The following ASPRV1 variants were observed in gnomAD, a reference collection of about 807,000 sequenced individuals.
The protein encoded by ASPRV1 is aspartic peptidase retroviral like 1.
Under a neutral mutation model 11.0 loss-of-function variants are expected in ASPRV1, and 7 were observed. The ratio of observed to expected loss-of-function variants is 0.64; its 90% CI spans 0.36 to 1.20. ASPRV1 has a LOEUF of 1.20. ASPRV1 is among the 50% of genes most tolerant of loss of function. The pLI, the probability that ASPRV1 is intolerant of heterozygous loss-of-function variation, is 0.02. For synonymous variants in ASPRV1, 136 were observed against 138.4 expected, an observed-to-expected ratio of 0.98 and a Z score of 0.12; for missense variants, 299 against 320.0, an observed-to-expected ratio of 0.93 and a Z score of 0.50.
the ASPRV1 span, among the ~76,000 whole-genome samples, chr2:69,935,117 AC>A: frequency 6.6e-6 from 1 of 152,208 alleles, no homozygotes; most frequent in African/African-American, 2.4e-5. Context: ...ATTATTCCCT[AC>A]CCCAGCACTT....
the ASPRV1 span, among the ~76,000 whole-genome samples, chr2:69,987,915 A>G: frequency 1.3e-5 from 2 of 152,212 alleles, no homozygotes; most frequent in Non-Finnish European, 2.9e-5. Flanking sequence ...CCTCCCATTC[A>G]TTCATCCAAC....
the ASPRV1 span, among the ~76,000 whole-genome samples, chr2:70,034,070 C>G: frequency 0.016 from 2,229 of 141,906 alleles, 63 homozygotes; most frequent in African/African-American, 0.056. Flanking sequence ...AGGAGAATGG[C>G]GTGAACCCCG....
chr2:70,044,497 T>A, the ASPRV1 span, among the ~76,000 whole-genome samples: 1 of 152,354 alleles, frequency 6.6e-6, no homozygotes, highest in East Asian at 1.9e-4. Context: ...TCCACTCTTG[T>A]TGCCCAGGCT....
downstream of ASPRV1, among the ~76,000 whole-genome samples, chr2:69,955,644 G>A (rs7569331): frequency 0.17 from 26,562 of 152,154 alleles, 2,987 homozygotes; most frequent in African/African-American, 0.3. Flanking sequence ...GGAAGGTTAC[G>A]ATCCTTTTGT....
At chr2:69,944,646 TC>T in the ASPRV1 span, among the ~76,000 whole-genome samples, 1 of 152,162 alleles carries the variant, frequency 6.6e-6, no homozygotes, top group African/African-American at 2.4e-5. Flanking sequence ...CGGCATCTTT[TC>T]CTTTTTAAGC....
chr2:69,947,393 A>G, the ASPRV1 span, among the ~76,000 whole-genome samples: 1 of 152,194 alleles, frequency 6.6e-6, no homozygotes, highest in Non-Finnish European at 1.5e-5. Flanking sequence ...TCAGGGAAAC[A>G]GTGAATCATG....
At chr2:70,053,909 T>G in the ASPRV1 span, 1 of 152,240 alleles carries the variant, frequency 6.6e-6, no homozygotes, top group African/African-American at 2.4e-5. Context: ...TCTCTCATCT[T>G]TGCCAAATGT....
At chr2:70,085,178 G>C in the ASPRV1 span, among the ~76,000 whole-genome samples, 4 of 152,196 alleles carry the variant, frequency 2.6e-5, no homozygotes, top group Non-Finnish European at 5.9e-5. Flanking sequence ...CAAGAGTCAA[G>C]CCCATGGGGA....
the ASPRV1 span, among the ~76,000 whole-genome samples, chr2:70,077,766 A>G: frequency 6.6e-6 from 1 of 152,056 alleles, no homozygotes; most frequent in Non-Finnish European, 1.5e-5. Context: ...GAGGCAGGAG[A>G]ATCACTTGAA....
the ASPRV1 span, among the ~76,000 whole-genome samples, chr2:70,074,806 G>A: frequency 6.6e-6 from 1 of 151,338 alleles, no homozygotes; most frequent in African/African-American, 2.4e-5. Context: ...ACAAGCAGTA[G>A]AGTGCAGAGG....
chr2:70,008,664 A>G, the ASPRV1 span, among the ~76,000 whole-genome samples: 1 of 151,136 alleles, frequency 6.6e-6, no homozygotes. Flanking sequence ...TTCATCAACT[A>G]TTGTGTTAGT....
chr2:70,079,362 A>C, the ASPRV1 span, among the ~76,000 whole-genome samples: 1 of 152,164 alleles, frequency 6.6e-6, no homozygotes, highest in Non-Finnish European at 1.5e-5. Flanking sequence ...CTGTAGTACT[A>C]GCCACTGAGG....
the ASPRV1 span, among the ~76,000 whole-genome samples, chr2:69,971,924 C>A: frequency 1.3e-5 from 2 of 152,186 alleles, no homozygotes; most frequent in African/African-American, 4.8e-5. Flanking sequence ...TTCTTTCAAG[C>A]CTTGGTTTCC....
chr2:70,027,259 CAAA>C, the ASPRV1 span, among the ~76,000 whole-genome samples: 522 of 49,626 alleles, frequency 0.011, 3 homozygotes, highest in Middle Eastern at 0.034. Context: ...CCCTGTCTCT[CAAA>C]AAAAAAAAAA....
the ASPRV1 span, among the ~76,000 whole-genome samples, chr2:69,981,115 C>T: frequency 6.6e-6 from 1 of 152,216 alleles, no homozygotes; most frequent in South Asian, 2.1e-4. Context: ...TTAAAGCTCA[C>T]ATTCTTTTAC....
At chr2:69,946,711 A>C in the ASPRV1 span, among the ~76,000 whole-genome samples, 1 of 152,188 alleles carries the variant, frequency 6.6e-6, no homozygotes, top group Non-Finnish European at 1.5e-5. Context: ...TGTCATTCTG[A>C]CTGTGCTGTT....
At chr2:70,065,376 G>GC in the ASPRV1 span, among the ~76,000 whole-genome samples, 1 of 111,714 alleles carries the variant, frequency 9.0e-6, no homozygotes, top group Admixed American at 1.2e-4. Flanking sequence ...GGGTAACAGT[G>GC]CAAGACACCA....
At chr2:69,953,381 G>A in the ASPRV1 span, among the ~76,000 whole-genome samples, 2 of 152,236 alleles carry the variant, frequency 1.3e-5, no homozygotes, top group Non-Finnish European at 2.9e-5. Flanking sequence ...CAGCACATGG[G>A]GTGGGTGCCT....
At chr2:69,973,110 ACATTT>A in the ASPRV1 span, among the ~76,000 whole-genome samples, 1 of 152,212 alleles carries the variant, frequency 6.6e-6, no homozygotes, top group Non-Finnish European at 1.5e-5. Flanking sequence ...ACACATACAT[ACATTT>A]ATGATAAATT....
Sources: allele counts gnomAD v4.1 joint callset (sites outside exome capture counted in the v4.1 genomes callset), GRCh38; gene constraint gnomAD v4.1.1; transcripts MANE v1.5; gene names NCBI Gene and HGNC (gene_info 2026-07-23, HGNC 2026-07-21).